ATF7IP: variants seen among roughly 807,000 people sequenced by gnomAD.
ATF7IP encodes activating transcription factor 7 interacting protein.
A neutral mutation model predicts 106.4 loss-of-function variants in ATF7IP; 23 were observed. The observed-to-expected ratio is 0.22, with a 90% CI of 0.16 to 0.31. The LOEUF (loss-of-function observed/expected upper bound fraction) is 0.31, where lower values mean the gene tolerates loss of function less well. ATF7IP is among the 10% of genes least tolerant of loss of function. The pLI is 1.00. For synonymous variants in ATF7IP, 542 were observed against 539.0 expected, an observed-to-expected ratio of 1.01 and a Z score of -0.08; for missense variants, 1,334 against 1,524.3, an observed-to-expected ratio of 0.88 and a Z score of 2.08.
At chr12:14,451,468 A>C (rs779573184) in intron 6 of ATF7IP, among the ~76,000 whole-genome samples, 1 of 152,064 alleles carries the variant, frequency 6.6e-6, no homozygotes, top group Admixed American at 6.6e-5. Flanking sequence ...TTGTAAAGCT[A>C]GATTGTTGAT....
chr12:14,446,751 C>G (rs1942978746), intron 5 of ATF7IP, among the ~76,000 whole-genome samples: 1 of 152,164 alleles, frequency 6.6e-6, no homozygotes, highest in African/African-American at 2.4e-5. Flanking sequence ...AAGAAATAGG[C>G]TAACCTAATT....
At chr12:14,398,838 A>G (rs1390266759) in intron 1 of ATF7IP, among the ~76,000 whole-genome samples, 1 of 151,144 alleles carries the variant, frequency 6.6e-6, no homozygotes. Flanking sequence ...TTGTGGTACT[A>G]TTTGCCTAGC....
At chr12:14,478,511 G>T in intron 12 of ATF7IP, 39 bp downstream of exon 12, 1 of 1,609,580 alleles carries the variant, frequency 6.2e-7, no homozygotes, top group Non-Finnish European at 8.5e-7. Flanking sequence ...CTTTGGTTTT[G>T]CCTGTAGAGA....
At chr12:14,449,079 T>C (rs1226926163) in intron 6 of ATF7IP, among the ~76,000 whole-genome samples, 1 of 152,142 alleles carries the variant, frequency 6.6e-6, no homozygotes, top group Non-Finnish European at 1.5e-5. Context: ...TATTTGCAAC[T>C]TTTTTGCATC....
chr12:14,387,540 T>C (rs749069811), intron 1 of ATF7IP, among the ~76,000 whole-genome samples: 1 of 152,202 alleles, frequency 6.6e-6, no homozygotes, highest in Non-Finnish European at 1.5e-5. Context: ...TTGCCTTCTA[T>C]TGCTAACTGT....
intron 2 of ATF7IP, among the ~76,000 whole-genome samples, chr12:14,431,621 C>T (rs1047505067): frequency 6.6e-6 from 1 of 152,016 alleles, no homozygotes; most frequent in Admixed American, 6.5e-5. Flanking sequence ...GTCTCGATCT[C>T]CTGACCTTGT....
chr12:14,383,053 T>G (rs1237093263), intron 1 of ATF7IP, among the ~76,000 whole-genome samples: 1 of 152,234 alleles, frequency 6.6e-6, no homozygotes, highest in African/African-American at 2.4e-5. Flanking sequence ...TTCTAAACTG[T>G]TTCATCAGAC....
chr12:14,394,645 A>G (rs550616755), intron 1 of ATF7IP, among the ~76,000 whole-genome samples: 1 of 152,282 alleles, frequency 6.6e-6, no homozygotes, highest in South Asian at 2.1e-4. Context: ...AAAATGTGTC[A>G]TGGATTTTCT....
At chr12:14,478,032 G>T (rs899008162) in intron 11 of ATF7IP, among the ~76,000 whole-genome samples, 4 of 152,162 alleles carry the variant, frequency 2.6e-5, no homozygotes, top group African/African-American at 4.8e-5. Flanking sequence ...CAAGTAATGA[G>T]TTATTCTAGT....
At chr12:14,473,942 T>A (rs1287531835) in intron 10 of ATF7IP, among the ~76,000 whole-genome samples, 1 of 152,078 alleles carries the variant, frequency 6.6e-6, no homozygotes, top group Non-Finnish European at 1.5e-5. Context: ...ATTTTCAAAA[T>A]TTTTCATTAT....
intron 9 of ATF7IP, among the ~76,000 whole-genome samples, chr12:14,463,741 G>A (rs1943724142): frequency 6.6e-6 from 1 of 152,162 alleles, no homozygotes; most frequent in Non-Finnish European, 1.5e-5. Flanking sequence ...AGAGGCTGGA[G>A]GCTCTTGTAC....
intron 2 of ATF7IP, among the ~76,000 whole-genome samples, chr12:14,431,824 C>G (rs968792540): frequency 1.1e-4 from 16 of 152,124 alleles, no homozygotes; most frequent in African/African-American, 3.6e-4. Flanking sequence ...GAGACCCATT[C>G]TTAGTTTTTC....
At chr12:14,395,090 G>C (rs1939764589) in intron 1 of ATF7IP, 1 of 151,748 alleles carries the variant, frequency 6.6e-6, no homozygotes, top group Non-Finnish European at 1.5e-5. Context: ...CCAACCTACT[G>C]TATTCTTGTT....
chr12:14,410,674 A>G (rs940835582), intron 1 of ATF7IP, among the ~76,000 whole-genome samples: 3 of 152,164 alleles, frequency 2.0e-5, no homozygotes, highest in Non-Finnish European at 4.4e-5. Context: ...AACGAACAGT[A>G]TATTGTTATA....
intron 13 of ATF7IP, chr12:14,482,507 T>G (rs1944464926): frequency 6.6e-6 from 1 of 152,274 alleles, no homozygotes; most frequent in African/African-American, 2.4e-5. Context: ...TTTTTCTGCC[T>G]GCTTTGTATT....
At chr12:14,485,057 T>C (rs1035293786) in intron 13 of ATF7IP, among the ~76,000 whole-genome samples, 1 of 152,152 alleles carries the variant, frequency 6.6e-6, no homozygotes, top group South Asian at 2.1e-4. Context: ...CTGTGATTCA[T>C]CTGTGGGGTC....
At chr12:14,450,383 G>A (rs955282210) in intron 6 of ATF7IP, among the ~76,000 whole-genome samples, 11 of 152,220 alleles carry the variant, frequency 7.2e-5, no homozygotes, top group South Asian at 4.1e-4. Context: ...TTCCATGAAA[G>A]GGTGTTGAAT....
intron 1 of ATF7IP, among the ~76,000 whole-genome samples, chr12:14,366,897 G>A (rs1363464097): frequency 2.0e-5 from 3 of 152,094 alleles, no homozygotes; most frequent in Non-Finnish European, 4.4e-5. Context: ...ATACAGTTGT[G>A]TTTGATTTTT....
At chr12:14,429,779 C>T (rs1397464280) in intron 2 of ATF7IP, among the ~76,000 whole-genome samples, 2 of 152,152 alleles carry the variant, frequency 1.3e-5, no homozygotes, top group Non-Finnish European at 2.9e-5. Context: ...TACTTATGTA[C>T]TTGGCTTCTC....
Sources: allele counts gnomAD v4.1 joint callset (sites outside exome capture counted in the v4.1 genomes callset), GRCh38; gene constraint gnomAD v4.1.1; transcripts MANE v1.5; gene names NCBI Gene and HGNC (gene_info 2026-07-23, HGNC 2026-07-21).